ABLIM1: variants seen among roughly 807,000 people sequenced by gnomAD.
ABLIM1 encodes actin binding LIM protein 1, also known as actin-binding LIM protein 1.
A neutral mutation model predicts 107.0 loss-of-function variants in ABLIM1; 40 were observed. That is an observed-to-expected ratio of 0.37 (90% CI 0.29 to 0.49). The LOEUF (loss-of-function observed/expected upper bound fraction) is 0.49, where lower values mean the gene tolerates loss of function less well. ABLIM1 is among the 20% of genes least tolerant of loss of function. The pLI is 0.97. For missense variants in ABLIM1, 857 were observed against 1,008.5 expected, an observed-to-expected ratio of 0.85 and a Z score of 2.04; for synonymous variants, 357 against 357.3, an observed-to-expected ratio of 1.00 and a Z score of 0.01.
chr10:114,720,914 A>G (rs2081829674), intron 1 of ABLIM1, among the ~76,000 whole-genome samples: 1 of 152,180 alleles, frequency 6.6e-6, no homozygotes, highest in Non-Finnish European at 1.5e-5. Context: ...GTGTCTAAAT[A>G]AAGAAGTTAT....
At chr10:114,464,944 G>A (rs899268101) in intron 12 of ABLIM1, among the ~76,000 whole-genome samples, 3 of 152,118 alleles carry the variant, frequency 2.0e-5, no homozygotes, top group Non-Finnish European at 2.9e-5. Flanking sequence ...TCTGTACTGG[G>A]ATCTCCATTC....
chr10:114,574,731 C>G (rs1020535490), intron 3 of ABLIM1, among the ~76,000 whole-genome samples: 3 of 152,178 alleles, frequency 2.0e-5, no homozygotes, highest in African/African-American at 7.2e-5. Flanking sequence ...GGTGAGCCAC[C>G]ACGCCCAGCC....
intron 8 of ABLIM1, among the ~76,000 whole-genome samples, chr10:114,475,862 T>G (rs2056296060): frequency 6.6e-6 from 1 of 152,182 alleles, no homozygotes; most frequent in African/African-American, 2.4e-5. Flanking sequence ...GAACACTTCC[T>G]CCCCTCTGTT....
At chr10:114,507,282 G>A (rs1261994358) in intron 6 of ABLIM1, among the ~76,000 whole-genome samples, 1 of 152,074 alleles carries the variant, frequency 6.6e-6, no homozygotes, top group Non-Finnish European at 1.5e-5. Context: ...GAGGAGTGGT[G>A]TATCTAACAA....
chr10:114,436,098 C>G lies in ABLIM1; in HGVS notation c.*162G>C. The stretch of plus-strand genomic sequence containing the variant: ...CTTGGCAAGTGTTACTGTTGGCTGG[C>G]CCGACATTTGACTCATGGTGTTTTA... On this transcript the variant is annotated 3_prime_UTR_variant, in exon 23 of 23. Transcript: ENST00000533213. 1.7e-6 allele frequency: 1 copy of G among 597,678 alleles called. No homozygotes were observed. The highest frequency in any genetic ancestry group is 2.8e-5 in the East Asian group (1 of 35,954). The allele number at this position is 597,678 out of a possible 1,614,324, so 37.0% of individuals were successfully genotyped here.
chr10:114,546,907 A>T (rs1249913862), intron 5 of ABLIM1, among the ~76,000 whole-genome samples: 1 of 152,040 alleles, frequency 6.6e-6, no homozygotes, highest in Non-Finnish European at 1.5e-5. Context: ...CAGACTCACA[A>T]GTAGCTGGGA....
chr10:114,517,096 G>A (rs1465788860), intron 6 of ABLIM1, among the ~76,000 whole-genome samples: 2 of 152,180 alleles, frequency 1.3e-5, no homozygotes, highest in East Asian at 3.9e-4. Flanking sequence ...AAAAACCTGA[G>A]AGGGAAGAGC....
intron 1 of ABLIM1, among the ~76,000 whole-genome samples, chr10:114,634,226 G>A (rs983271322): frequency 2.3e-5 from 3 of 130,840 alleles, no homozygotes; most frequent in Non-Finnish European, 3.1e-5. Context: ...TCCGCCTCCC[G>A]GGTTCACGCC....
chr10:114,545,654 G>A (rs1310408220), intron 5 of ABLIM1, among the ~76,000 whole-genome samples: 1 of 152,102 alleles, frequency 6.6e-6, no homozygotes, highest in Non-Finnish European at 1.5e-5. Context: ...GCCCGGCACG[G>A]TGGCTCATGC....
chr10:114,534,921 G>T (rs538095835), intron 6 of ABLIM1, among the ~76,000 whole-genome samples: 1 of 152,242 alleles, frequency 6.6e-6, no homozygotes, highest in East Asian at 1.9e-4. Context: ...GCATGGGAAT[G>T]CAGTCTGCTG....
intron 1 of ABLIM1, among the ~76,000 whole-genome samples, chr10:114,744,508 T>C (rs1313240176): frequency 6.6e-6 from 1 of 152,166 alleles, no homozygotes; most frequent in East Asian, 1.9e-4. Flanking sequence ...TAGCTGAGCA[T>C]GGTGGCATGC....
intron 6 of ABLIM1, among the ~76,000 whole-genome samples, chr10:114,540,311 G>A (rs960153040): frequency 7.9e-5 from 12 of 152,148 alleles, no homozygotes; most frequent in African/African-American, 1.9e-4. Flanking sequence ...GGAATTACAC[G>A]TATATTTTCA....
intron 1 of ABLIM1, among the ~76,000 whole-genome samples, chr10:114,637,647 C>T (rs1050185945): frequency 3.3e-5 from 5 of 152,154 alleles, no homozygotes; most frequent in African/African-American, 9.7e-5. Context: ...AAAATTACTA[C>T]GGTATATTTA....
chr10:114,540,634 C>CA (rs2066540672), intron 6 of ABLIM1, among the ~76,000 whole-genome samples: 1 of 152,164 alleles, frequency 6.6e-6, no homozygotes. Context: ...GAATGAGTGA[C>CA]ACAGCCAGAC....
At chr10:114,755,449 A>G (rs2082608275) in intron 1 of ABLIM1, among the ~76,000 whole-genome samples, 1 of 152,218 alleles carries the variant, frequency 6.6e-6, no homozygotes, top group Non-Finnish European at 1.5e-5. Flanking sequence ...TACCAAGTGG[A>G]GGTCCAATAT....
chr10:114,547,627 C>T (rs2067523801), intron 5 of ABLIM1, 23 bp downstream of exon 5: 4 of 1,612,620 alleles, frequency 2.5e-6, no homozygotes, highest in Non-Finnish European at 3.4e-6. Context: ...CTGAAAGGAA[C>T]GCGTGCCCGC....
chr10:114,552,703 A>T (rs921951117), intron 4 of ABLIM1, among the ~76,000 whole-genome samples: 2 of 152,164 alleles, frequency 1.3e-5, no homozygotes, highest in African/African-American at 4.8e-5. Flanking sequence ...GTCACTCTTA[A>T]TATATTTTAT....
At chr10:114,795,393 T>C in the ABLIM1 span, among the ~76,000 whole-genome samples, 1 of 152,216 alleles carries the variant, frequency 6.6e-6, no homozygotes, top group Non-Finnish European at 1.5e-5. Context: ...TGTCAAGTGG[T>C]CAAAAGAAGC....
intron 1 of ABLIM1, among the ~76,000 whole-genome samples, chr10:114,602,624 G>T (rs1454317203): frequency 1.3e-5 from 2 of 152,202 alleles, no homozygotes; most frequent in Non-Finnish European, 2.9e-5. Context: ...ACACACTGCA[G>T]GCAGTAAATT....
Sources: allele counts gnomAD v4.1 joint callset (sites outside exome capture counted in the v4.1 genomes callset), GRCh38; gene constraint gnomAD v4.1.1; transcripts MANE v1.5; gene names NCBI Gene and HGNC (gene_info 2026-07-23, HGNC 2026-07-21).